The following DLG2 variants were observed in gnomAD, a reference collection of about 807,000 sequenced individuals.
DLG2 encodes the protein disks large homolog 2.
DLG2 carries 45 observed loss-of-function variants against 132.5 expected under a neutral mutation model. The observed-to-expected ratio is 0.34, with a 90% CI of 0.27 to 0.44. The LOEUF (loss-of-function observed/expected upper bound fraction) is 0.44. DLG2 is among the 20% of genes least tolerant of loss of function. The pLI is 1.00. For missense variants in DLG2, 1,045 were observed against 1,196.9 expected (o/e 0.87, Z 1.87); for synonymous variants, 424 against 419.6 (o/e 1.01, Z -0.13).
At chr11:84,594,829 C>A (rs2099552513) in intron 6 of DLG2, among the ~76,000 whole-genome samples, 1 of 152,176 alleles carries the variant, frequency 6.6e-6, no homozygotes, top group Non-Finnish European at 1.5e-5. Context: ...TCCATGGATA[C>A]AACTGGGTAT....
chr11:85,139,034 T>C (rs2076297166), intron 5 of DLG2, among the ~76,000 whole-genome samples: 2 of 152,120 alleles, frequency 1.3e-5, no homozygotes, highest in South Asian at 4.1e-4. Context: ...CTTCTCATCA[T>C]TCAAGGCTCT....
intron 15 of DLG2, among the ~76,000 whole-genome samples, chr11:83,905,529 C>T (rs887497277): frequency 7.9e-5 from 12 of 152,256 alleles, no homozygotes; most frequent in South Asian, 2.1e-4. Context: ...CAGAGACCCA[C>T]AGCAAAGGGA....
At chr11:84,081,167 G>T (rs10160486) in intron 10 of DLG2, among the ~76,000 whole-genome samples, 5,222 of 152,102 alleles carry the variant, frequency 0.034, 111 homozygotes, top group Non-Finnish European at 0.052. Context: ...TATATCTTGT[G>T]GCTCTGATGT....
intron 9 of DLG2, among the ~76,000 whole-genome samples, chr11:84,100,440 A>G: frequency 6.6e-6 from 1 of 150,942 alleles, no homozygotes; most frequent in Non-Finnish European, 1.5e-5. Context: ...TTTACTCCCC[A>G]TCTCCCATCT....
intron 18 of DLG2, among the ~76,000 whole-genome samples, chr11:83,694,887 T>C (rs1186232607): frequency 6.6e-6 from 1 of 152,210 alleles, no homozygotes; most frequent in Admixed American, 6.5e-5. Context: ...CTGACTTCTT[T>C]CAGTAAACTG....
intron 18 of DLG2, among the ~76,000 whole-genome samples, chr11:83,746,845 A>G (rs966794464): frequency 2.0e-5 from 3 of 152,224 alleles, no homozygotes; most frequent in Non-Finnish European, 2.9e-5. Flanking sequence ...AGTTCTTCAC[A>G]AGAAGATTAA....
At chr11:84,443,118 CT>C in intron 7 of DLG2, among the ~76,000 whole-genome samples, 1 of 152,104 alleles carries the variant, frequency 6.6e-6, no homozygotes, top group Admixed American at 6.5e-5. Flanking sequence ...TTTTTCTCCT[CT>C]TAAAATCATC....
chr11:85,275,287 C>G (rs2077819624), intron 4 of DLG2, among the ~76,000 whole-genome samples: 1 of 152,050 alleles, frequency 6.6e-6, no homozygotes, highest in East Asian at 1.9e-4. Context: ...AATATGATAT[C>G]TGGTATTATA....
At chr11:85,472,288 T>C (rs2093008922) in intron 3 of DLG2, among the ~76,000 whole-genome samples, 1 of 152,038 alleles carries the variant, frequency 6.6e-6, no homozygotes, top group Non-Finnish European at 1.5e-5. Context: ...TCCTCTCAAC[T>C]GAGAACTGTT....
At chr11:84,470,705 A>T (rs1217930133) in intron 7 of DLG2, among the ~76,000 whole-genome samples, 1 of 151,818 alleles carries the variant, frequency 6.6e-6, no homozygotes, top group East Asian at 1.9e-4. Context: ...ATGCTTGCAG[A>T]CTGAATGATA....
At chr11:84,361,406 A>C (rs966504906) in intron 7 of DLG2, among the ~76,000 whole-genome samples, 12 of 152,104 alleles carry the variant, frequency 7.9e-5, no homozygotes, top group African/African-American at 2.6e-4. Flanking sequence ...ATAACTATTC[A>C]GATCATATGG....
At chr11:84,680,863 C>T (rs1595630407) in intron 6 of DLG2, among the ~76,000 whole-genome samples, 1 of 152,294 alleles carries the variant, frequency 6.6e-6, no homozygotes, top group South Asian at 2.1e-4. Context: ...TTTTTAAATG[C>T]TAGAACCCAA....
At chr11:84,502,030 C>A (rs569236577) in intron 7 of DLG2, among the ~76,000 whole-genome samples, 1 of 152,064 alleles carries the variant, frequency 6.6e-6, no homozygotes, top group African/African-American at 2.4e-5. Context: ...ATTTCAGATT[C>A]CTTTTCTTTG....
At chr11:84,611,757 A>T (rs1375682062) in intron 6 of DLG2, among the ~76,000 whole-genome samples, 2 of 152,140 alleles carry the variant, frequency 1.3e-5, no homozygotes, top group Non-Finnish European at 2.9e-5. Context: ...CCATTAGTAG[A>T]CTCCAAAGAG....
intron 3 of DLG2, among the ~76,000 whole-genome samples, chr11:85,376,940 C>T (rs931307798): frequency 2.0e-5 from 3 of 152,128 alleles, no homozygotes; most frequent in Non-Finnish European, 4.4e-5. Flanking sequence ...AAAATAATAA[C>T]ACATGTGCGC....
At chr11:83,969,013 T>G (rs540803775) in intron 12 of DLG2, among the ~76,000 whole-genome samples, 7 of 152,332 alleles carry the variant, frequency 4.6e-5, no homozygotes, top group Admixed American at 3.9e-4. Context: ...AATACTTGCA[T>G]GCCATATATT....
intron 18 of DLG2, among the ~76,000 whole-genome samples, chr11:83,650,925 C>G (rs939175647): frequency 6.6e-6 from 1 of 152,092 alleles, no homozygotes; most frequent in Non-Finnish European, 1.5e-5. Flanking sequence ...GCATGGCATA[C>G]TCCTTCTCCT....
intron 17 of DLG2, among the ~76,000 whole-genome samples, chr11:83,810,483 T>G (rs1255148609): frequency 6.6e-6 from 1 of 152,080 alleles, no homozygotes; most frequent in African/African-American, 2.4e-5. Context: ...GATAGGTATA[T>G]TTTCAAGAAG....
intron 17 of DLG2, among the ~76,000 whole-genome samples, chr11:83,793,592 G>T (rs970545632): frequency 1.4e-4 from 21 of 152,068 alleles, no homozygotes; most frequent in African/African-American, 4.8e-4. Context: ...AAATGGGAAG[G>T]AACAAAGGAT....
Sources: gnomAD v4.1 joint callset for allele counts (sites outside exome capture counted in the v4.1 genomes callset) on GRCh38, gnomAD v4.1.1 for gene constraint, MANE v1.5 for transcripts, NCBI Gene and HGNC (gene_info 2026-07-23, HGNC 2026-07-21) for gene names.